IL17RD: variants seen among roughly 807,000 people sequenced by gnomAD.
IL17RD encodes interleukin 17 receptor D.
IL17RD carries 52 observed loss-of-function variants against 80.5 expected under a neutral mutation model. The ratio of observed to expected loss-of-function variants is 0.65; its 90% CI spans 0.52 to 0.81. The LOEUF is 0.81. IL17RD is among the 40% of genes least tolerant of loss of function. IL17RD has a pLI of 0.00. For synonymous variants in IL17RD, 416 were observed against 391.8 expected (o/e 1.06, Z -0.73); for missense variants, 1,024 against 955.1 (o/e 1.07, Z -0.95).
At chr3:57,128,552 G>A (rs1037397455) in intron 1 of IL17RD, among the ~76,000 whole-genome samples, 7 of 150,908 alleles carry the variant, frequency 4.6e-5, no homozygotes, top group Admixed American at 1.3e-4. Context: ...TTTGCCCCCC[G>A]AAATCCATTC....
At chr3:57,097,191 C>T (rs577414195) in intron 12 of IL17RD, among the ~76,000 whole-genome samples, 2 of 151,482 alleles carry the variant, frequency 1.3e-5, no homozygotes, top group Non-Finnish European at 1.5e-5. Flanking sequence ...ATCCCAGACT[C>T]AATGAATGTA....
At position 57,128,530 on chromosome 3, in the gene IL17RD, C is replaced by T. The variant is rs143709071; in HGVS notation, c.127-8217G>A. On this transcript the variant is annotated intron_variant, in intron 1 of 12. Coordinates refer to ENST00000296318, the MANE Select transcript of IL17RD (RefSeq NM_017563.5). ...TCCAAATTTCTTTTCACTATCCCAC[C>T]CCTCCACCCACTTTGCCCCCCGAAA... Among the ~76,000 whole-genome samples, 132 of 150,818 alleles carry T rather than the reference C, an allele frequency of 8.8e-4. 3 individuals carry two copies. In the East Asian group the frequency reaches 0.029, roughly 34 times the overall value.
intron 1 of IL17RD, among the ~76,000 whole-genome samples, chr3:57,155,507 G>C (rs1035698658): frequency 1.3e-5 from 2 of 152,220 alleles, no homozygotes; most frequent in African/African-American, 4.8e-5. Flanking sequence ...ACTGTGGTGT[G>C]AATGAATAAA....
At chr3:57,102,400 ACTCCCAGT>A in intron 10 of IL17RD, 71 bp downstream of exon 10, 1 of 636,870 alleles carries the variant, frequency 1.6e-6, no homozygotes, top group East Asian at 3.0e-5. Context: ...GGACCCAGGT[ACTCCCAGT>A]CTCTCTTTCT....
In IL17RD at chr3:57,127,365, A is replaced by AATAT. The variant is rs1355143693; in HGVS notation, c.127-7056_127-7053dup. Among the ~76,000 whole-genome samples, 5 of 78,048 alleles carry AATAT rather than the reference A, an allele frequency of 6.4e-5. 1 individual carries two copies. Among genetic ancestry groups the AATAT allele is most frequent in the South Asian group, 8.5e-4 (2 of 2,346 alleles). 51.2% of individuals were successfully genotyped at this position (78,048 alleles called of 152,430 possible). ...ATATATATAAATATATATAAATATA[A>AATAT]ATATATATATATAAATAAATAAATA... On this transcript the variant is annotated intron_variant, in intron 1 of 12. Coordinates refer to ENST00000296318, the MANE Select transcript of IL17RD (RefSeq NM_017563.5).
At chr3:57,167,277 C>A (rs1176946014), upstream of IL17RD, among the ~76,000 whole-genome samples, 1 of 152,088 alleles carries the variant, frequency 6.6e-6, no homozygotes, top group Non-Finnish European at 1.5e-5. Flanking sequence ...CCTCTTCAGA[C>A]ACCAGAATAG....
upstream of IL17RD, among the ~76,000 whole-genome samples, chr3:57,166,938 C>T (rs2060351148): frequency 6.6e-6 from 1 of 152,204 alleles, no homozygotes; most frequent in African/African-American, 2.4e-5. Flanking sequence ...TCTCCACCAC[C>T]CTGCCCACAC....
At chr3:57,161,912 C>T (rs903470678) in intron 1 of IL17RD, among the ~76,000 whole-genome samples, 2 of 152,200 alleles carry the variant, frequency 1.3e-5, no homozygotes, top group Admixed American at 1.3e-4. Context: ...CAAAGAGCAA[C>T]CTTACCTGGC....
chr3:57,143,625 A>T (rs942738317), intron 1 of IL17RD, among the ~76,000 whole-genome samples: 2 of 152,234 alleles, frequency 1.3e-5, no homozygotes, highest in African/African-American at 4.8e-5. Context: ...CGCTGGCCCC[A>T]CATAAACCAC....
chr3:57,165,323 C>G lies in IL17RD; in HGVS notation c.-37G>C. On this transcript the variant is annotated 5_prime_UTR_variant, in exon 1 of 13. Coordinates refer to ENST00000296318, the MANE Select transcript of IL17RD (RefSeq NM_017563.5). Reference sequence around the variant, plus strand: ...CGCCCAGCCAGGCCGTTCTCTGCGCCCCGGCCGCCCGCCGCTGGCCAGCCC... The same window carrying G: ...CGCCCAGCCAGGCCGTTCTCTGCGCGCCGGCCGCCCGCCGCTGGCCAGCCC... 7.6e-7 allele frequency: 1 copy of G among 1,315,014 alleles called. No individual in the cohort carries two copies. Among genetic ancestry groups the G allele is most frequent in the Non-Finnish European group, 9.7e-7 (1 of 1,027,784 alleles). 81.5% of individuals were successfully genotyped at this position (1,315,014 alleles called of 1,614,324 possible). A position where few individuals can be genotyped will look rare whatever the true frequency, so the allele number is the denominator to read the frequency against.
intron 1 of IL17RD, chr3:57,142,388 G>C (rs1579306964): frequency 3.5e-6 from 2 of 576,368 alleles, no homozygotes; most frequent in East Asian, 1.4e-4. Context: ...GAGAAACAAA[G>C]GGTAGGAGAG....
chr3:57,098,333 A>G lies in IL17RD; in HGVS notation c.1370T>C (p.Ile457Thr). The G allele has an allele frequency of 6.2e-7, 1 of 1,613,968 alleles. No homozygotes were observed. The highest frequency in any genetic ancestry group is 1.3e-5 in the African/African-American group (1 of 75,038). The change falls in exon 12 of 13, where the codon ATT becomes ACT. Residue 457 changes from isoleucine to threonine, a missense_variant. Ile to Thr is a moderately conservative substitution (Grantham distance 89, BLOSUM62 -1). Coordinates refer to ENST00000296318, the MANE Select transcript of IL17RD (RefSeq NM_017563.5). Reference protein sequence around the residue: ...GELFLVAVSAIAEKLRQAKQS... With the variant: ...GELFLVAVSATAEKLRQAKQS... ...CTTGGCCTGGCGGAGCTTTTCGGCA[A>G]TGGCTGACACCGCCACCAGGAAGAG...
chr3:57,114,834 A>G lies in IL17RD; in HGVS notation c.185-17T>C, dbSNP rs745870171. 56 of 1,532,642 alleles carry G rather than the reference A, an allele frequency of 3.7e-5. 1 individual carries two copies. The highest frequency in any genetic ancestry group is 4.8e-5 in the Non-Finnish European group (55 of 1,140,298). The allele number at this position is 1,532,642 out of a possible 1,614,324, so 94.9% of individuals were successfully genotyped here. A position where few individuals can be genotyped will look rare whatever the true frequency, so the allele number is the denominator to read the frequency against. ...TGGTACAATCTAGAGAGTAGGGAGA[A>G]TGAGAACAGTTAAATTTAAAATTTC... is the stretch of plus-strand genomic sequence containing the variant. On this transcript the variant is annotated splice_polypyrimidine_tract_variant and intron_variant, in intron 2 of 12. Transcript: ENST00000296318.
At chr3:57,132,963 T>C (rs1175192169) in intron 1 of IL17RD, among the ~76,000 whole-genome samples, 3 of 152,208 alleles carry the variant, frequency 2.0e-5, no homozygotes, top group African/African-American at 7.2e-5. Context: ...GTTTGGGATA[T>C]ATTTTATAGT....
At chr3:57,155,146 A>G (rs1250376531) in intron 1 of IL17RD, among the ~76,000 whole-genome samples, 2 of 152,202 alleles carry the variant, frequency 1.3e-5, no homozygotes, top group Non-Finnish European at 2.9e-5. Context: ...AAATGCATTC[A>G]CCACCAGAGG....
At position 57,120,342 on chromosome 3, in the gene IL17RD, G is replaced by A; in HGVS notation, c.127-29C>T. Reference sequence around the variant, plus strand: ...TGGGAAAACAAGAGAACATGATGCAGAGTGAAGCCAATTTGCTCTTCCAAC... The same window carrying A: ...TGGGAAAACAAGAGAACATGATGCAAAGTGAAGCCAATTTGCTCTTCCAAC... On this transcript the variant is annotated intron_variant, in intron 1 of 12. Coordinates refer to ENST00000296318, the MANE Select transcript of IL17RD (RefSeq NM_017563.5). 1.9e-6 allele frequency: 3 copies of A among 1,571,924 alleles called. No individual in the cohort carries two copies. The South Asian group carries it at 3.3e-5, about 17-fold the overall frequency.
chr3:57,119,518 G>C (rs979235317), intron 2 of IL17RD, among the ~76,000 whole-genome samples: 1 of 152,106 alleles, frequency 6.6e-6, no homozygotes, highest in African/African-American at 2.4e-5. Flanking sequence ...GACAGAGTGA[G>C]ACTCTATCTC....
intron 12 of IL17RD, among the ~76,000 whole-genome samples, chr3:57,096,979 T>C (rs1248837067): frequency 2.8e-5 from 4 of 142,022 alleles, no homozygotes. Flanking sequence ...CATTGCAGCC[T>C]GGGCGACAGG....
chr3:57,142,376 G>A (rs1418576417), intron 1 of IL17RD: 4 of 517,526 alleles, frequency 7.7e-6, no homozygotes, highest in Non-Finnish European at 7.0e-6. Context: ...GAGAAGTGGA[G>A]GGAGAAACAA....
Sources: allele counts gnomAD v4.1 joint callset (sites outside exome capture counted in the v4.1 genomes callset), GRCh38; gene constraint gnomAD v4.1.1; transcripts MANE v1.5; gene names NCBI Gene and HGNC (gene_info 2026-07-23, HGNC 2026-07-21).